Variants in ADAM23 observed in about 807,000 individuals in gnomAD.
The protein encoded by ADAM23 is disintegrin and metalloproteinase domain-containing protein 23.
Under a neutral mutation model 120.1 loss-of-function variants are expected in ADAM23, and 33 were observed. The ratio of observed to expected loss-of-function variants is 0.27; its 90% CI spans 0.21 to 0.37. ADAM23 has a LOEUF of 0.37. Ranked by LOEUF, ADAM23 falls within the 10% of genes least tolerant of loss-of-function variation. The pLI, the probability that ADAM23 is intolerant of heterozygous loss-of-function variation, is 1.00. For missense variants in ADAM23, 862 were observed against 1,058.2 expected (o/e 0.81, Z 2.57); for synonymous variants, 367 against 375.2 (o/e 0.98, Z 0.25).
chr2:206,574,224 CT>C (rs1256655764), intron 18 of ADAM23, among the ~76,000 whole-genome samples: 1 of 152,110 alleles, frequency 6.6e-6, no homozygotes, highest in East Asian at 1.9e-4. Context: ...CATTTCTGAT[CT>C]TAGATTTTTG....
At chr2:206,472,615 G>GA (rs11389922) in intron 2 of ADAM23, among the ~76,000 whole-genome samples, 104,921 of 142,462 alleles carry the variant, frequency 0.74, 38,670 homozygotes, top group African/African-American at 0.82. Context: ...CATCTCAGGG[G>GA]AAAAAAAAAA....
In ADAM23 at chr2:206,443,993, C is replaced by T; in HGVS notation, c.127C>T (p.Pro43Ser). The change falls in exon 1 of 26, where the codon CCC (proline) becomes TCC (serine). Residue 43 changes from proline to serine, a missense_variant. This residue lies in a region of ADAM23 where 225 missense variants were observed against 204.0 expected (regional missense o/e 1.10). Transcript: ENST00000264377. ...TGCCAGCGCCCCGGCCCGCACGCCGCCCTGCCGCCTGCTTCTCGTCCTTCT... is the reference window on the plus strand; with the variant it reads ...TGCCAGCGCCCCGGCCCGCACGCCGTCCTGCCGCCTGCTTCTCGTCCTTCT... Reference protein sequence around the residue: ...VPASAPARTPPCRLLLVLLLL... With the variant: ...VPASAPARTPSCRLLLVLLLL... 2 of 1,397,894 alleles carry T rather than the reference C, an allele frequency of 1.4e-6. No individual in the cohort carries two copies. The highest frequency in any genetic ancestry group is 1.9e-6 in the Non-Finnish European group (2 of 1,071,942). The allele number at this position is 1,397,894 out of a possible 1,614,324, so 86.6% of individuals were successfully genotyped here. A position where few individuals can be genotyped will look rare whatever the true frequency, so the allele number is the denominator to read the frequency against.
chr2:206,508,655 CAAA>C (rs34489352), intron 3 of ADAM23, among the ~76,000 whole-genome samples: 20 of 100,862 alleles, frequency 2.0e-4, no homozygotes, highest in East Asian at 2.7e-4. Flanking sequence ...ACTCTGTCTC[CAAA>C]AAAAAAAAAA....
chr2:206,595,492 G>A (rs1698506834), intron 23 of ADAM23, among the ~76,000 whole-genome samples: 1 of 152,012 alleles, frequency 6.6e-6, no homozygotes, highest in South Asian at 2.1e-4. Context: ...GGGTGTGGTG[G>A]GGGGGAATCC....
chr2:206,580,188 C>T (rs1574546524), intron 18 of ADAM23, among the ~76,000 whole-genome samples: 1 of 152,128 alleles, frequency 6.6e-6, no homozygotes, highest in African/African-American at 2.4e-5. Flanking sequence ...TTCCTCTTTA[C>T]TGACTTGGAT....
At chr2:206,584,968 C>T (rs1698295018) in intron 18 of ADAM23, among the ~76,000 whole-genome samples, 1 of 152,130 alleles carries the variant, frequency 6.6e-6, no homozygotes, top group Non-Finnish European at 1.5e-5. Context: ...TGACTCAGTT[C>T]CAGGTAAAGT....
chr2:206,579,009 T>C (rs1200808218), intron 18 of ADAM23, among the ~76,000 whole-genome samples: 1 of 152,232 alleles, frequency 6.6e-6, no homozygotes, highest in East Asian at 1.9e-4. Flanking sequence ...GAGCATCTTT[T>C]CATATGTTTG....
At chr2:206,559,847 G>A (rs775793970) in intron 10 of ADAM23, 108 bp from the exon 11 acceptor site, 15 of 900,536 alleles carry the variant, frequency 1.7e-5, no homozygotes, top group South Asian at 4.1e-5. Context: ...TTATGACCCC[G>A]TGTTCTCTCA....
chr2:206,454,947 A>G (rs1445148422), intron 2 of ADAM23, among the ~76,000 whole-genome samples: 1 of 152,152 alleles, frequency 6.6e-6, no homozygotes, highest in Non-Finnish European at 1.5e-5. Context: ...TTCTAGGTGC[A>G]TGGTGCAAGC....
At chr2:206,585,455 T>A (rs949705728) in intron 18 of ADAM23, among the ~76,000 whole-genome samples, 53 of 152,182 alleles carry the variant, frequency 3.5e-4, no homozygotes, top group African/African-American at 1.3e-3. Flanking sequence ...TGAGAGTCAG[T>A]TATTCTTTAG....
chr2:206,537,925 T>G (rs1297206970), intron 4 of ADAM23, among the ~76,000 whole-genome samples: 1 of 152,186 alleles, frequency 6.6e-6, no homozygotes, highest in Non-Finnish European at 1.5e-5. Context: ...ATTTGAATTT[T>G]GAGTATAAAG....
chr2:206,604,377 AATACC>A lies in ADAM23; in HGVS notation c.2360-5532_2360-5528del, dbSNP rs1423430467. ...TTTAAAAATGAGGCTTCATATTTTGAATACCTTTCAGTCCCAGTGTTTGCCTCCAT... is the reference window on the plus strand; with the variant it reads ...TTTAAAAATGAGGCTTCATATTTTGATTTCAGTCCCAGTGTTTGCCTCCAT... On this transcript the variant is annotated intron_variant, in intron 24 of 25. Transcript: ENST00000264377. 2.0e-5 allele frequency among the ~76,000 whole-genome samples: 3 copies of A among 152,218 alleles called. No individual in the cohort carries two copies. In the South Asian group the frequency reaches 6.2e-4, roughly 32 times the overall value.
At chr2:206,566,765 A>G (rs1217799314) in intron 14 of ADAM23, among the ~76,000 whole-genome samples, 1 of 152,112 alleles carries the variant, frequency 6.6e-6, no homozygotes, top group Non-Finnish European at 1.5e-5. Context: ...TGCATGATAT[A>G]GTCTTTAATA....
intron 21 of ADAM23, among the ~76,000 whole-genome samples, chr2:206,590,109 T>C (rs1238989540): frequency 6.6e-6 from 1 of 152,104 alleles, no homozygotes; most frequent in Non-Finnish European, 1.5e-5. Flanking sequence ...CCTTTCTTTT[T>C]TTTTTCGAGA....
chr2:206,486,161 C>T (rs1358415713), intron 3 of ADAM23, among the ~76,000 whole-genome samples: 2 of 152,088 alleles, frequency 1.3e-5, no homozygotes, highest in African/African-American at 4.8e-5. Flanking sequence ...GAGACATGGT[C>T]AGATTTCTAT....
intron 3 of ADAM23, among the ~76,000 whole-genome samples, chr2:206,487,198 G>A (rs1187530267): frequency 6.6e-6 from 1 of 152,192 alleles, no homozygotes; most frequent in Non-Finnish European, 1.5e-5. Context: ...ACTGCGCTGA[G>A]ATGTTGGGGG....
In ADAM23 at chr2:206,592,683, G is replaced by A. The variant is rs772344647; in HGVS notation, c.2025G>A (p.Gln675=). 5.6e-6 allele frequency: 9 copies of A among 1,613,882 alleles called. No homozygotes were observed. In the Admixed American group the frequency reaches 1.5e-4, roughly 27 times the overall value. Reference sequence around the variant, plus strand: ...GAGCTCCACGTATTGGTCAACTTCAGGGTGAGATCATTCCAACTTCCTTCT... The same window carrying A: ...GAGCTCCACGTATTGGTCAACTTCAAGGTGAGATCATTCCAACTTCCTTCT... ...LTRAPRIGQL[Q]GEIIPTSFYH... The change falls in exon 22 of 26, where the codon CAG becomes CAA. Residue 675 remains glutamine, a synonymous_variant. Coordinates refer to ENST00000264377, the MANE Select transcript of ADAM23 (RefSeq NM_003812.4).
intron 4 of ADAM23, among the ~76,000 whole-genome samples, 175 bp downstream of exon 4, chr2:206,531,123 G>A (rs936390976): frequency 1.3e-5 from 2 of 152,128 alleles, no homozygotes; most frequent in Non-Finnish European, 2.9e-5. Context: ...TTGAGGTAAC[G>A]TTAGGTATTC....
chr2:206,592,587 G>A (rs1189989776), intron 21 of ADAM23, 30 bp from the exon 22 acceptor site: 1 of 1,607,292 alleles, frequency 6.2e-7, no homozygotes, highest in Non-Finnish European at 8.5e-7. Context: ...CCTCCTGTCT[G>A]GTCTGTTTGT....
Sources: allele counts gnomAD v4.1 joint callset (sites outside exome capture counted in the v4.1 genomes callset), GRCh38; gene constraint gnomAD v4.1.1; regional missense constraint gnomAD v4.1.1; transcripts MANE v1.5; gene names NCBI Gene and HGNC (gene_info 2026-07-23, HGNC 2026-07-21).